Variants in DCC observed in about 807,000 individuals in gnomAD.
The protein encoded by DCC is netrin receptor DCC.
DCC carries 58 observed loss-of-function variants against 172.5 expected under a neutral mutation model. The ratio of observed to expected loss-of-function variants is 0.34; its 90% CI spans 0.27 to 0.42. The LOEUF (loss-of-function observed/expected upper bound fraction) is 0.42. DCC is among the 10% of genes least tolerant of loss of function. The probability of loss-of-function intolerance (pLI) is 1.00; values close to 1 mark genes in which losing one functional copy is unlikely to be tolerated. For synonymous variants in DCC, 709 were observed against 644.5 expected (o/e 1.10, Z -1.52); for missense variants, 1,740 against 1,791.0 (o/e 0.97, Z 0.51).
At chr18:53,064,140 T>C (rs1310516039) in intron 6 of DCC, among the ~76,000 whole-genome samples, 1 of 152,132 alleles carries the variant, frequency 6.6e-6, no homozygotes. Context: ...ATCCCTATTG[T>C]GGGAGATAAT....
chr18:53,260,902 G>A (rs539416791), intron 12 of DCC, among the ~76,000 whole-genome samples: 14 of 152,214 alleles, frequency 9.2e-5, no homozygotes, highest in East Asian at 3.9e-4. Flanking sequence ...CTCAGCAATC[G>A]TAGGCACCCC....
intron 16 of DCC, among the ~76,000 whole-genome samples, chr18:53,390,555 T>C (rs1200654731): frequency 2.0e-5 from 3 of 152,206 alleles, no homozygotes; most frequent in Admixed American, 2.0e-4. Flanking sequence ...TATTATCACA[T>C]ATTATTTTTC....
At chr18:52,480,569 C>T (rs1598851692) in intron 1 of DCC, among the ~76,000 whole-genome samples, 1 of 152,140 alleles carries the variant, frequency 6.6e-6, no homozygotes, top group Admixed American at 6.5e-5. Flanking sequence ...GCACCAATCT[C>T]ATAAGCTTGT....
intron 1 of DCC, among the ~76,000 whole-genome samples, chr18:52,600,023 C>T (rs567990690): frequency 2.6e-5 from 4 of 152,260 alleles, no homozygotes; most frequent in African/African-American, 9.6e-5. Context: ...TATTCTCAAC[C>T]TTTTCAAATG....
At chr18:52,503,570 G>C (rs2031113315) in intron 1 of DCC, among the ~76,000 whole-genome samples, 1 of 152,156 alleles carries the variant, frequency 6.6e-6, no homozygotes. Context: ...GTTCTCCGTA[G>C]TTCTGGTGAC....
At chr18:53,233,836 A>G (rs1206095957) in intron 12 of DCC, among the ~76,000 whole-genome samples, 1 of 152,200 alleles carries the variant, frequency 6.6e-6, no homozygotes, top group Non-Finnish European at 1.5e-5. Flanking sequence ...TGGCCAGGCC[A>G]GGTACAGTGG....
At chr18:53,408,466 A>C (rs1295811516) in intron 19 of DCC, among the ~76,000 whole-genome samples, 1 of 152,194 alleles carries the variant, frequency 6.6e-6, no homozygotes, top group Non-Finnish European at 1.5e-5. Context: ...AGACGTCTTC[A>C]TCAAAGGCGA....
At chr18:52,702,883 A>G (rs1472003281) in intron 1 of DCC, among the ~76,000 whole-genome samples, 1 of 152,180 alleles carries the variant, frequency 6.6e-6, no homozygotes, top group Non-Finnish European at 1.5e-5. Context: ...ATATGCATTT[A>G]CAAGACCTTG....
At chr18:53,437,737 G>A (rs570526445) in intron 22 of DCC, among the ~76,000 whole-genome samples, 2 of 151,976 alleles carry the variant, frequency 1.3e-5, no homozygotes, top group African/African-American at 4.8e-5. Flanking sequence ...GCTCACTCTC[G>A]TGCTCCAAAT....
chr18:52,744,539 G>A (rs1387731469), intron 1 of DCC, among the ~76,000 whole-genome samples: 2 of 152,126 alleles, frequency 1.3e-5, no homozygotes, highest in Non-Finnish European at 2.9e-5. Context: ...GGCAACTGTG[G>A]AATGAATGTA....
intron 7 of DCC, among the ~76,000 whole-genome samples, chr18:53,153,711 A>G (rs1200986943): frequency 1.3e-5 from 2 of 152,252 alleles, no homozygotes; most frequent in Non-Finnish European, 2.9e-5. Flanking sequence ...TCCACGGGAA[A>G]CAACACCTCA....
intron 1 of DCC, among the ~76,000 whole-genome samples, chr18:52,510,530 T>A (rs2031399963): frequency 6.6e-6 from 1 of 152,176 alleles, no homozygotes; most frequent in South Asian, 2.1e-4. Flanking sequence ...TCTATTTTCC[T>A]GGAGAAAGCC....
intron 5 of DCC, among the ~76,000 whole-genome samples, chr18:52,965,326 A>G (rs2040912144): frequency 6.6e-6 from 1 of 152,168 alleles, no homozygotes; most frequent in Admixed American, 6.5e-5. Flanking sequence ...AACAGGCTAG[A>G]AAGGACATGC....
chr18:52,544,139 G>A (rs2032544743), intron 1 of DCC, among the ~76,000 whole-genome samples: 2 of 152,172 alleles, frequency 1.3e-5, no homozygotes, highest in African/African-American at 4.8e-5. Context: ...AAAGAAAAAT[G>A]TATGCTTATC....
chr18:52,636,768 T>C (rs1340651323), intron 1 of DCC, among the ~76,000 whole-genome samples: 1 of 152,154 alleles, frequency 6.6e-6, no homozygotes, highest in Non-Finnish European at 1.5e-5. Context: ...GCATATAATC[T>C]TGGGAGTTCT....
chr18:53,296,341 GT>G (rs374830234), intron 12 of DCC, among the ~76,000 whole-genome samples: 6 of 152,124 alleles, frequency 3.9e-5, no homozygotes, highest in African/African-American at 1.4e-4. Flanking sequence ...CCTTAAAGTA[GT>G]TCTGATTTAC....
chr18:53,358,405 C>T (rs2057903203), intron 15 of DCC, among the ~76,000 whole-genome samples: 1 of 151,670 alleles, frequency 6.6e-6, no homozygotes, highest in Non-Finnish European at 1.5e-5. Flanking sequence ...GGCTTAAAGA[C>T]CAAATGATTT....
At chr18:52,702,656 T>A (rs1599031757) in intron 1 of DCC, among the ~76,000 whole-genome samples, 3 of 152,290 alleles carry the variant, frequency 2.0e-5, no homozygotes, top group South Asian at 4.2e-4. Flanking sequence ...TACAGAACTG[T>A]TAGGACCCCC....
chr18:52,774,985 C>G (rs114489043), intron 2 of DCC, among the ~76,000 whole-genome samples: 4,367 of 152,234 alleles, frequency 0.029, 147 homozygotes, highest in South Asian at 0.12. Context: ...AAGTCTGGGG[C>G]TTTTGACCAG....
Sources: gnomAD v4.1 joint callset for allele counts (sites outside exome capture counted in the v4.1 genomes callset) on GRCh38, gnomAD v4.1.1 for gene constraint, MANE v1.5 for transcripts, NCBI Gene and HGNC (gene_info 2026-07-23, HGNC 2026-07-21) for gene names.